The following ERICH3 variants were observed in gnomAD, a reference collection of about 807,000 sequenced individuals.
ERICH3 encodes glutamate-rich protein 3.
ERICH3 carries 126 observed loss-of-function variants against 131.1 expected under a neutral mutation model. That is an observed-to-expected ratio of 0.96 (90% confidence interval 0.83 to 1.11). ERICH3 has a LOEUF of 1.11. ERICH3 is among the 50% of genes most tolerant of loss of function. The probability of loss-of-function intolerance (pLI) is 0.00; values close to 1 mark genes in which losing one functional copy is unlikely to be tolerated. For synonymous variants in ERICH3, 695 were observed against 644.6 expected, an observed-to-expected ratio of 1.08 and a Z score of -1.18; for missense variants, 2,050 against 1,810.7, an observed-to-expected ratio of 1.13 and a Z score of -2.40.
intron 1 of ERICH3, 60 bp from the exon 2 acceptor site, chr1:74,649,375 A>G: frequency 1.5e-6 from 2 of 1,305,614 alleles, no homozygotes; most frequent in Non-Finnish European, 2.2e-6. Flanking sequence ...AACCAAGGCA[A>G]TTCTTTACTG....
chr1:74,593,985 A>G (rs1432814578), intron 11 of ERICH3, among the ~76,000 whole-genome samples: 1 of 152,034 alleles, frequency 6.6e-6, no homozygotes, highest in African/African-American at 2.4e-5. Context: ...ACAGACAGGA[A>G]ATTGTTCTCT....
At chr1:74,617,104 C>T (rs1375973277) in intron 8 of ERICH3, among the ~76,000 whole-genome samples, 1 of 148,946 alleles carries the variant, frequency 6.7e-6, no homozygotes, top group Non-Finnish European at 1.5e-5. Flanking sequence ...GGCTCTGCAC[C>T]AGGATGATGA....
chr1:74,580,800 C>T (rs763970386), intron 12 of ERICH3, among the ~76,000 whole-genome samples: 7 of 152,106 alleles, frequency 4.6e-5, no homozygotes, highest in Non-Finnish European at 8.8e-5. Flanking sequence ...TCAGGGGGTA[C>T]ATATGCAGGT....
At chr1:74,618,894 T>C (rs1649094142) in intron 8 of ERICH3, among the ~76,000 whole-genome samples, 1 of 152,216 alleles carries the variant, frequency 6.6e-6, no homozygotes, top group Non-Finnish European at 1.5e-5. Flanking sequence ...AGAAATCTTT[T>C]AAAACCCTAT....
chr1:74,632,393 G>T (rs906044964), intron 6 of ERICH3, among the ~76,000 whole-genome samples: 2 of 145,972 alleles, frequency 1.4e-5, no homozygotes, highest in Non-Finnish European at 2.9e-5. Context: ...AATAACTCAT[G>T]TACTATTTAG....
rs201212987 is a variant in ERICH3, at chr1:74,571,641, T to C, written c.4069A>G (p.Arg1357Gly). ...GETAETAAEE[R>G]EVLAGSETAE... The stretch of plus-strand genomic sequence containing the variant: ...GTCTCCGAACCTGCCAACACCTCCC[T>C]CTCCTCTGCGGCTGTTTCTGCCGTT... The change falls in exon 14 of 15, where the codon AGG becomes GGG. Residue 1357 changes from arginine to glycine, a missense_variant. Physicochemically the swap from Arg to Gly is moderately radical, Grantham distance 125. Coordinates refer to ENST00000326665, the MANE Select transcript of ERICH3 (RefSeq NM_001002912.5). The C allele has an allele frequency of 9.9e-6, 16 of 1,614,050 alleles. No individual in the cohort carries two copies. Among genetic ancestry groups the C allele is most frequent in the East Asian group, 2.2e-5 (1 of 44,844 alleles).
intron 12 of ERICH3, among the ~76,000 whole-genome samples, chr1:74,584,646 C>T (rs1361128829): frequency 1.3e-5 from 2 of 152,168 alleles, no homozygotes; most frequent in African/African-American, 4.8e-5. Context: ...TCTATTATCC[C>T]TTTACCCTGC....
At position 74,636,199 on chromosome 1, in the gene ERICH3, TATA is replaced by T. The variant is rs1366113253; in HGVS notation, c.603+78_603+80del. On this transcript the variant is annotated intron_variant, in intron 6 of 14. Transcript: ENST00000326665. ...TTTCACTGTGTAGATTTTAATCGAA[TATA>T]ATACCTTGACCACTGTAATAACCTA... 4.3e-6 allele frequency: 5 copies of T among 1,156,896 alleles called. No homozygotes were observed. The African/African-American group carries it at 7.8e-5, about 18-fold the overall frequency. 71.7% of individuals were successfully genotyped at this position (1,156,896 alleles called of 1,614,324 possible).
At position 74,568,307 on chromosome 1, in the gene ERICH3, G is replaced by A. The variant is rs1444787334; in HGVS notation, c.*2151C>T. On this transcript the variant is annotated 3_prime_UTR_variant, in exon 15 of 15. Transcript: ENST00000326665. ...AAATTATGTTATGGGATGTTTTGAT[G>A]GAGTGTGTTAAATATAAAAGTAATC... The A allele has an allele frequency of 6.6e-6, 1 of 152,108 alleles. No homozygotes were observed. The highest frequency in any genetic ancestry group is 6.5e-5 in the Admixed American group (1 of 15,268). The allele number at this position is 152,108 out of a possible 1,614,324, so 9.4% of individuals were successfully genotyped here. A position where few individuals can be genotyped will look rare whatever the true frequency, so the allele number is the denominator to read the frequency against.
chr1:74,578,159 T>C (rs1038711730), intron 12 of ERICH3: 1 of 152,520 alleles, frequency 6.6e-6, no homozygotes, highest in Admixed American at 6.5e-5. Context: ...CCTTGGTTTA[T>C]CTGTCTGTCA....
At chr1:74,590,941 T>A (rs1388403739) in intron 11 of ERICH3, among the ~76,000 whole-genome samples, 4 of 152,224 alleles carry the variant, frequency 2.6e-5, no homozygotes, top group Admixed American at 1.3e-4. Flanking sequence ...AAAAAATGAA[T>A]AATCCTTTGT....
At chr1:74,599,372 T>C (rs1648009236) in intron 11 of ERICH3, among the ~76,000 whole-genome samples, 1 of 151,824 alleles carries the variant, frequency 6.6e-6, no homozygotes, top group African/African-American at 2.4e-5. Flanking sequence ...GGGAGCTAAA[T>C]GATGAGAACA....
intron 13 of ERICH3, among the ~76,000 whole-genome samples, chr1:74,575,574 T>C (rs1372584566): frequency 6.6e-6 from 1 of 152,182 alleles, no homozygotes; most frequent in African/African-American, 2.4e-5. Flanking sequence ...TAGGAAACAA[T>C]AACGTGTGTC....
intron 7 of ERICH3, among the ~76,000 whole-genome samples, chr1:74,627,327 AAGG>A (rs1327327751): frequency 6.6e-6 from 1 of 152,170 alleles, no homozygotes; most frequent in African/African-American, 2.4e-5. Flanking sequence ...CAAGAGGTGA[AAGG>A]AGACCCCGAG....
chr1:74,644,101 T>G (rs1646460128), intron 3 of ERICH3, among the ~76,000 whole-genome samples: 2 of 152,098 alleles, frequency 1.3e-5, no homozygotes, highest in Admixed American at 1.3e-4. Flanking sequence ...TTTGAGAGTG[T>G]TTTATTCATT....
intron 12 of ERICH3, chr1:74,578,010 C>T (rs1647100468): frequency 1.3e-5 from 2 of 152,326 alleles, no homozygotes; most frequent in East Asian, 1.9e-4. Context: ...ACAGTAAAAG[C>T]TATTGTAGAA....
chr1:74,646,823 A>G (rs1356543396), intron 2 of ERICH3, 31 bp from the exon 3 acceptor site: 15 of 1,304,530 alleles, frequency 1.1e-5, no homozygotes, highest in Non-Finnish European at 1.6e-5. Context: ...ATACATAGAA[A>G]TATAAAATAG....
Position 74,589,729 on chromosome 1 carries a change from G to T in ERICH3, c.2078C>A (p.Ser693Tyr). The change falls in exon 12 of 15, where the codon TCT becomes TAT. Residue 693 changes from serine (S) to tyrosine (Y), a missense_variant. Transcript: ENST00000326665. ...GLSEKSGKHV[S>Y]AEEKEKDKSK... The stretch of plus-strand genomic sequence containing the variant: ...CTTATCCTTTTCCTTTTCTTCTGCA[G>T]AAACATGTTTCCCGGACTTCTCAGA... 6 of 1,614,028 alleles carry T rather than the reference G, an allele frequency of 3.7e-6. No homozygotes were observed. The highest frequency in any genetic ancestry group is 5.1e-6 in the Non-Finnish European group (6 of 1,179,970).
intron 1 of ERICH3, among the ~76,000 whole-genome samples, chr1:74,658,197 C>T (rs1397049561): frequency 1.3e-5 from 2 of 152,164 alleles, no homozygotes; most frequent in African/African-American, 4.8e-5. Context: ...TGAATGTTCT[C>T]TATGAGGTAT....
Sources: gnomAD v4.1 joint callset for allele counts (sites outside exome capture counted in the v4.1 genomes callset) on GRCh38, gnomAD v4.1.1 for gene constraint, MANE v1.5 for transcripts, NCBI Gene and HGNC (gene_info 2026-07-23, HGNC 2026-07-21) for gene names.